Variants in BLTP3B observed in about 807,000 individuals in gnomAD.
BLTP3B encodes UHRF1 (ICBP90) binding protein 1-like.
the BLTP3B span, among the ~76,000 whole-genome samples, chr12:100,130,908 T>A: frequency 1.4e-4 from 18 of 125,614 alleles, no homozygotes; most frequent in African/African-American, 5.6e-4. Flanking sequence ...AGAATGAAAC[T>A]CTATCTCAAA....
the BLTP3B span, among the ~76,000 whole-genome samples, chr12:100,084,138 G>A: frequency 6.0e-5 from 9 of 150,614 alleles, no homozygotes; most frequent in South Asian, 2.1e-4. Context: ...GCAGTGAGCC[G>A]AGATCACACC....
the BLTP3B span, among the ~76,000 whole-genome samples, chr12:100,082,310 T>C: frequency 1.4e-3 from 219 of 152,370 alleles, 3 homozygotes; most frequent in Admixed American, 0.013. Flanking sequence ...TTAAGACCTT[T>C]GTCAGATAAA....
the BLTP3B span, among the ~76,000 whole-genome samples, chr12:100,060,640 G>A: frequency 3.3e-5 from 5 of 152,210 alleles, no homozygotes; most frequent in South Asian, 8.3e-4. Flanking sequence ...TAAAAACCAA[G>A]TATCTCCTGA....
chr12:100,066,904 T>C, the BLTP3B span, among the ~76,000 whole-genome samples: 1 of 151,702 alleles, frequency 6.6e-6, no homozygotes, highest in South Asian at 2.1e-4. Context: ...CAACAGAGCA[T>C]GGAACTTTCT....
chr12:100,037,863 T>A, the BLTP3B span: 1,692 of 999,976 alleles, frequency 1.7e-3, 22 homozygotes, highest in African/African-American at 0.026. Flanking sequence ...AAAATGCCCA[T>A]TGCTGGTGAG....
At chr12:100,106,676 G>A in the BLTP3B span, among the ~76,000 whole-genome samples, 3 of 152,070 alleles carry the variant, frequency 2.0e-5, no homozygotes, top group Admixed American at 1.3e-4. Context: ...GCTGACAGAT[G>A]CACTAAAATC....
the BLTP3B span, chr12:100,048,020 G>A: frequency 6.2e-7 from 1 of 1,607,464 alleles, no homozygotes; most frequent in South Asian, 1.1e-5. Flanking sequence ...TCCAAAAAAT[G>A]TTGAATATTC....
chr12:100,115,094 G>A, the BLTP3B span, among the ~76,000 whole-genome samples: 3 of 152,160 alleles, frequency 2.0e-5, no homozygotes, highest in Admixed American at 2.0e-4. Flanking sequence ...CGTCTGATAT[G>A]TTCTATTACA....
chr12:100,085,558 T>C, the BLTP3B span, among the ~76,000 whole-genome samples: 1 of 152,262 alleles, frequency 6.6e-6, no homozygotes, highest in Admixed American at 6.5e-5. Flanking sequence ...TTTAATCAGG[T>C]ACCAACATAG....
chr12:100,131,014 AG>A, the BLTP3B span, among the ~76,000 whole-genome samples: 1 of 150,420 alleles, frequency 6.6e-6, no homozygotes, highest in African/African-American at 2.5e-5. Context: ...AGAGAGAGAG[AG>A]AGAGAGAGAG....
At chr12:100,038,903 A>G in the BLTP3B span, among the ~76,000 whole-genome samples, 1 of 152,172 alleles carries the variant, frequency 6.6e-6, no homozygotes, top group Non-Finnish European at 1.5e-5. Context: ...TGCCTTATCG[A>G]CCAAGTGAGG....
At chr12:100,051,274 C>T in the BLTP3B span, 15 of 1,531,968 alleles carry the variant, frequency 9.8e-6, no homozygotes, top group Non-Finnish European at 1.3e-5. Flanking sequence ...TACACATGAT[C>T]TAACACTGTA....
chr12:100,136,819 T>A, the BLTP3B span, among the ~76,000 whole-genome samples: 14,545 of 152,084 alleles, frequency 0.096, 855 homozygotes, highest in African/African-American at 0.14. Flanking sequence ...TCTTTTTTTT[T>A]ATTTTTTTTG....
the BLTP3B span, among the ~76,000 whole-genome samples, chr12:100,055,612 A>C: frequency 2.0e-5 from 3 of 150,114 alleles, no homozygotes; most frequent in African/African-American, 7.3e-5. Context: ...AGGAGGCAGA[A>C]GTTGCAGTGA....
the BLTP3B span, chr12:100,058,004 A>T: frequency 5.9e-6 from 9 of 1,534,232 alleles, no homozygotes; most frequent in East Asian, 2.3e-5. Context: ...ATTAATTTTT[A>T]AAAAGGCCAA....
At chr12:100,056,081 T>C in the BLTP3B span, among the ~76,000 whole-genome samples, 1 of 152,244 alleles carries the variant, frequency 6.6e-6, no homozygotes, top group Non-Finnish European at 1.5e-5. Flanking sequence ...GTAAACTATT[T>C]AAGCACCTGC....
chr12:100,098,640 A>G, the BLTP3B span: 1 of 1,289,762 alleles, frequency 7.8e-7, no homozygotes. Context: ...GGTGGCTCAT[A>G]CCTGTACTCC....
At chr12:100,142,069 A>G in the BLTP3B span, among the ~76,000 whole-genome samples, 1 of 152,308 alleles carries the variant, frequency 6.6e-6, no homozygotes, top group East Asian at 1.9e-4. Flanking sequence ...CAGAGCGGGA[A>G]CGCCAAGGTG....
At chr12:100,127,856 T>A in the BLTP3B span, among the ~76,000 whole-genome samples, 1 of 151,908 alleles carries the variant, frequency 6.6e-6, no homozygotes, top group African/African-American at 2.4e-5. Context: ...TCTATAAAAA[T>A]TTAAAAACTC....
Sources: gnomAD v4.1 joint callset for allele counts (sites outside exome capture counted in the v4.1 genomes callset) on GRCh38, gnomAD v4.1.1 for gene constraint, MANE v1.5 for transcripts, NCBI Gene and HGNC (gene_info 2026-07-23, HGNC 2026-07-21) for gene names.